The following BAIAP2 variants were observed in gnomAD, a reference collection of about 807,000 sequenced individuals.
The protein encoded by BAIAP2 is BAR/IMD domain containing adaptor protein 2.
In BAIAP2, 18 loss-of-function variants were observed where a neutral mutation model predicts 63.0. The ratio of observed to expected loss-of-function variants is 0.29; its 90% confidence interval spans 0.20 to 0.42. The LOEUF (loss-of-function observed/expected upper bound fraction) is 0.42. BAIAP2 is among the 10% of genes least tolerant of loss of function. BAIAP2 has a pLI of 1.00. For missense variants in BAIAP2, 610 were observed against 734.3 expected (o/e 0.83, Z 1.96); for synonymous variants, 386 against 307.6 (o/e 1.25, Z -2.67).
intron 1 of BAIAP2, among the ~76,000 whole-genome samples, chr17:81,038,852 C>T (rs1220038870): frequency 6.6e-6 from 1 of 151,430 alleles, no homozygotes; most frequent in Non-Finnish European, 1.5e-5. Context: ...CTCTGACAGG[C>T]ACCTCCTGCT....
chr17:81,068,079 C>T (rs970164747), intron 3 of BAIAP2, among the ~76,000 whole-genome samples: 3 of 152,204 alleles, frequency 2.0e-5, no homozygotes, highest in Admixed American at 6.5e-5. Context: ...TCCTGGGGGA[C>T]GTGGGTCCCA....
rs1395056576 is a variant in BAIAP2, at chr17:81,116,349, C to G, written c.*510C>G. ...ATTCCCTGCAGGTCCGGCAGCTACA[C>G]CTGGAGTGTGGGGCCTGGTCCCTCC... On this transcript the variant is annotated 3_prime_UTR_variant, in exon 14 of 14. Coordinates refer to ENST00000428708, the MANE Select transcript of BAIAP2 (RefSeq NM_001144888.2). 5 of 1,609,350 alleles carry G rather than the reference C, an allele frequency of 3.1e-6. No homozygotes were observed. Among genetic ancestry groups the G allele is most frequent in the Admixed American group, 1.7e-5 (1 of 59,802 alleles).
chr17:81,052,819 C>T (rs916314968), intron 1 of BAIAP2, among the ~76,000 whole-genome samples: 3 of 152,276 alleles, frequency 2.0e-5, no homozygotes, highest in Non-Finnish European at 2.9e-5. Flanking sequence ...TGCTTGTCTG[C>T]GACAGGGCTG....
intron 7 of BAIAP2, among the ~76,000 whole-genome samples, chr17:81,103,283 G>T (rs534338968): frequency 6.6e-6 from 1 of 152,228 alleles, no homozygotes; most frequent in Non-Finnish European, 1.5e-5. Flanking sequence ...GAGGTCCCCC[G>T]ACTGCATGGC....
At chr17:81,095,949 G>A (rs910854961) in intron 6 of BAIAP2, among the ~76,000 whole-genome samples, 2 of 152,168 alleles carry the variant, frequency 1.3e-5, no homozygotes, top group East Asian at 3.9e-4. Flanking sequence ...ATGAGCGTGA[G>A]AAAGTACCGT....
At chr17:81,073,931 CAA>C (rs2053163981) in intron 3 of BAIAP2, among the ~76,000 whole-genome samples, 2 of 152,180 alleles carry the variant, frequency 1.3e-5, no homozygotes, top group African/African-American at 4.8e-5. Context: ...TTATTTGTCT[CAA>C]GTGCTTATGG....
chr17:81,064,774 C>T (rs1210314397), intron 3 of BAIAP2, among the ~76,000 whole-genome samples: 2 of 152,132 alleles, frequency 1.3e-5, no homozygotes, highest in East Asian at 1.9e-4. Context: ...CTGCAGACCT[C>T]ACAGACGGAA....
chr17:81,110,186 C>T, intron 13 of BAIAP2: 1 of 985,738 alleles, frequency 1.0e-6, no homozygotes, highest in South Asian at 4.7e-5. Context: ...AAGCCTCCCA[C>T]ACACCTCCCC....
intron 3 of BAIAP2, among the ~76,000 whole-genome samples, chr17:81,065,027 C>G (rs2051221686): frequency 1.3e-5 from 2 of 152,228 alleles, no homozygotes; most frequent in Non-Finnish European, 1.5e-5. Flanking sequence ...CCAGCTCCGG[C>G]AGGCGTGATT....
chr17:81,092,068 A>C (rs1387889332), intron 6 of BAIAP2, among the ~76,000 whole-genome samples: 1 of 152,224 alleles, frequency 6.6e-6, no homozygotes, highest in Non-Finnish European at 1.5e-5. Flanking sequence ...GGGGTGTAGC[A>C]TGCTGTGTCA....
chr17:81,069,110 C>T (rs1036346458), intron 3 of BAIAP2, among the ~76,000 whole-genome samples: 5 of 152,186 alleles, frequency 3.3e-5, no homozygotes, highest in East Asian at 1.9e-4. Flanking sequence ...TTTGTTTAAA[C>T]GTCTGAAGGG....
At chr17:81,070,051 C>T (rs1178269776) in intron 3 of BAIAP2, among the ~76,000 whole-genome samples, 1 of 152,150 alleles carries the variant, frequency 6.6e-6, no homozygotes, top group Admixed American at 6.5e-5. Context: ...TTGCAGCCTC[C>T]TGGGCTCAAG....
intron 6 of BAIAP2, among the ~76,000 whole-genome samples, chr17:81,088,798 C>T (rs1469839981): frequency 1.3e-5 from 2 of 152,248 alleles, no homozygotes; most frequent in Non-Finnish European, 2.9e-5. Context: ...CTCCCTGGCA[C>T]GGCCGGTACT....
intron 1 of BAIAP2, among the ~76,000 whole-genome samples, chr17:81,048,216 C>T (rs2048119019): frequency 6.6e-6 from 1 of 152,122 alleles, no homozygotes; most frequent in South Asian, 2.1e-4. Context: ...GAAACCCCGT[C>T]TCTACTGAAA....
chr17:81,077,118 G>A (rs553007037), intron 3 of BAIAP2, among the ~76,000 whole-genome samples: 4 of 152,352 alleles, frequency 2.6e-5, no homozygotes, highest in East Asian at 3.9e-4. Context: ...CAGAGATGCC[G>A]TGAGACTGGT....
chr17:81,106,620 C>T (rs1331203607), intron 11 of BAIAP2, 125 bp from the exon 12 acceptor site: 4 of 1,171,944 alleles, frequency 3.4e-6, no homozygotes, highest in Non-Finnish European at 4.9e-6. Context: ...CCGCCTTGGC[C>T]TGAGAGCAGC....
intron 1 of BAIAP2, among the ~76,000 whole-genome samples, chr17:81,042,622 C>T (rs903060132): frequency 1.3e-5 from 2 of 152,226 alleles, no homozygotes; most frequent in South Asian, 2.1e-4. Flanking sequence ...CTTGTCATGG[C>T]TGCCCCAGTG....
chr17:81,050,446 G>A (rs2048490272), intron 1 of BAIAP2, among the ~76,000 whole-genome samples: 3 of 152,224 alleles, frequency 2.0e-5, no homozygotes, highest in Admixed American at 1.3e-4. Flanking sequence ...GCGTCATGCG[G>A]TAGGCATGGC....
chr17:81,044,459 G>T (rs1179632464), intron 1 of BAIAP2, among the ~76,000 whole-genome samples: 2 of 152,230 alleles, frequency 1.3e-5, no homozygotes, highest in African/African-American at 2.4e-5. Context: ...TTCTTGTAAG[G>T]CGCTGGTCCT....
Sources: gnomAD v4.1 joint callset for allele counts (sites outside exome capture counted in the v4.1 genomes callset) on GRCh38, gnomAD v4.1.1 for gene constraint, MANE v1.5 for transcripts, NCBI Gene and HGNC (gene_info 2026-07-23, HGNC 2026-07-21) for gene names.